Variants in GLIS1 observed in about 807,000 individuals in gnomAD.
The protein encoded by GLIS1 is GLIS family zinc finger 1.
In GLIS1, 24 loss-of-function variants were observed where a neutral mutation model predicts 63.8. That is an observed-to-expected ratio of 0.38 (90% CI 0.27 to 0.53). The LOEUF is 0.53. Among genes scored for constraint, GLIS1 ranks in the 20% least tolerant of loss-of-function variants. GLIS1 has a pLI of 0.85. For synonymous variants in GLIS1, 450 were observed against 482.5 expected (o/e 0.93, Z 0.88); for missense variants, 1,036 against 1,074.1 (o/e 0.96, Z 0.50).
chr1:53,672,323 C>T (rs945891912), intron 2 of GLIS1, among the ~76,000 whole-genome samples: 6 of 152,198 alleles, frequency 3.9e-5, no homozygotes, highest in African/African-American at 1.2e-4. Context: ...CCACAAGCCC[C>T]GCCTTCCTTT....
chr1:53,633,695 G>A (rs1645694677), intron 2 of GLIS1, among the ~76,000 whole-genome samples: 1 of 152,034 alleles, frequency 6.6e-6, no homozygotes, highest in African/African-American at 2.4e-5. Context: ...GACATTTGGG[G>A]CTGGATAATT....
intron 2 of GLIS1, among the ~76,000 whole-genome samples, chr1:53,669,672 T>A (rs892662363): frequency 2.0e-5 from 3 of 152,198 alleles, no homozygotes; most frequent in Admixed American, 2.0e-4. Context: ...CTGGGCTCCA[T>A]AGCCCCAGTG....
chr1:53,649,071 AT>A (rs1645878136), intron 2 of GLIS1, among the ~76,000 whole-genome samples: 1 of 152,192 alleles, frequency 6.6e-6, no homozygotes, highest in Admixed American at 6.5e-5. Flanking sequence ...ATTTGCAACA[AT>A]TTGAAAAAAT....
chr1:53,640,523 G>T (rs982699743), intron 2 of GLIS1, among the ~76,000 whole-genome samples: 1 of 152,160 alleles, frequency 6.6e-6, no homozygotes, highest in Non-Finnish European at 1.5e-5. Flanking sequence ...CCGCTCTCCT[G>T]TGGAGCCTGG....
chr1:53,630,165 T>C (rs1645636884), intron 2 of GLIS1, among the ~76,000 whole-genome samples: 1 of 152,234 alleles, frequency 6.6e-6, no homozygotes, highest in African/African-American at 2.4e-5. Context: ...CCTTTGTCAC[T>C]AGGGGTTCTT....
intron 2 of GLIS1, among the ~76,000 whole-genome samples, chr1:53,621,666 T>C (rs148576907): frequency 2.0e-5 from 3 of 152,080 alleles, no homozygotes; most frequent in Non-Finnish European, 4.4e-5. Context: ...GTTTTAGTAA[T>C]ACGTTTTCAT....
intron 2 of GLIS1, among the ~76,000 whole-genome samples, chr1:53,650,195 G>A (rs1490241556): frequency 6.6e-6 from 1 of 152,206 alleles, no homozygotes; most frequent in Non-Finnish European, 1.5e-5. Context: ...CGGAGAAATA[G>A]ATAGGTGGGC....
chr1:53,611,850 C>T (rs761067654), intron 2 of GLIS1, among the ~76,000 whole-genome samples: 1 of 152,084 alleles, frequency 6.6e-6, no homozygotes, highest in Non-Finnish European at 1.5e-5. Flanking sequence ...TTCCTCTTCT[C>T]AGAGACAGGG....
At chr1:53,642,397 CAG>C (rs1645796892) in intron 2 of GLIS1, among the ~76,000 whole-genome samples, 1 of 152,156 alleles carries the variant, frequency 6.6e-6, no homozygotes. Flanking sequence ...GCAGTGCTGT[CAG>C]AGTTTCAGGT....
At chr1:53,615,034 G>T (rs958913912) in intron 2 of GLIS1, among the ~76,000 whole-genome samples, 1 of 151,890 alleles carries the variant, frequency 6.6e-6, no homozygotes, top group African/African-American at 2.4e-5. Flanking sequence ...ATAATAAAAA[G>T]ACTGCAAACA....
rs544817173 is a variant in GLIS1, at chr1:53,676,615, C to G, written c.259+61191G>C. Among the ~76,000 whole-genome samples, 121 of 152,286 alleles carry G rather than the reference C, an allele frequency of 7.9e-4. 1 individual carries two copies. Among genetic ancestry groups the G allele is most frequent in the African/African-American group, 2.9e-3 (120 of 41,550 alleles). ...ATCACCAGCACCCCGCACGCACCCC[C>G]AGCCCCAGCCCTGCCACAGACATGT... On this transcript the variant is annotated intron_variant, in intron 2 of 10. Transcript: ENST00000628545.
At chr1:53,643,689 C>T (rs573364767) in intron 2 of GLIS1, among the ~76,000 whole-genome samples, 1 of 152,290 alleles carries the variant, frequency 6.6e-6, no homozygotes, top group East Asian at 1.9e-4. Context: ...CGAACATGAG[C>T]GAACGGCGGG....
At position 53,655,743 on chromosome 1, in the gene GLIS1, G is replaced by T. The variant is rs368270561; in HGVS notation, c.260-55465C>A. The stretch of plus-strand genomic sequence containing the variant: ...TCTTATTTCCCTTGCCTACATGGGG[G>T]TCTGGCACACAGCAGGCAGGCAATA... On this transcript the variant is annotated intron_variant, in intron 2 of 10. Coordinates refer to ENST00000628545, the MANE Select transcript of GLIS1 (RefSeq NM_001367484.1). Among the ~76,000 whole-genome samples, 3 of 152,164 alleles carry T rather than the reference G, an allele frequency of 2.0e-5. No homozygotes were observed. In the South Asian group the frequency reaches 6.2e-4, roughly 32 times the overall value.
intron 2 of GLIS1, among the ~76,000 whole-genome samples, chr1:53,729,099 A>T (rs780373730): frequency 1.9e-4 from 29 of 152,276 alleles, no homozygotes; most frequent in Non-Finnish European, 3.7e-4. Flanking sequence ...AAAAGTATAG[A>T]TGCTGTCACG....
chr1:53,634,877 A>C (rs547416905), intron 2 of GLIS1, among the ~76,000 whole-genome samples: 35 of 152,162 alleles, frequency 2.3e-4, no homozygotes, highest in Admixed American at 2.3e-3. Flanking sequence ...CCTGCAGCTC[A>C]TTAATGCATT....
intron 2 of GLIS1, among the ~76,000 whole-genome samples, chr1:53,685,144 G>C (rs1475594162): frequency 6.6e-6 from 1 of 152,182 alleles, no homozygotes; most frequent in Non-Finnish European, 1.5e-5. Context: ...GCAGGTAAAG[G>C]TGAAAGACAG....
chr1:53,590,802 T>A (rs886567715), intron 4 of GLIS1, among the ~76,000 whole-genome samples: 1 of 125,532 alleles, frequency 8.0e-6, no homozygotes, highest in South Asian at 2.6e-4. Context: ...GGGTGGGGGA[T>A]GGTGATGCCA....
At chr1:53,575,922 C>T (rs751268824) in intron 4 of GLIS1, among the ~76,000 whole-genome samples, 40 of 152,058 alleles carry the variant, frequency 2.6e-4, no homozygotes, top group African/African-American at 4.6e-4. Flanking sequence ...ACAGTGGGCA[C>T]GAACAACCAA....
intron 4 of GLIS1, among the ~76,000 whole-genome samples, chr1:53,568,255 T>C (rs192153870): frequency 6.6e-6 from 1 of 152,376 alleles, no homozygotes; most frequent in Non-Finnish European, 1.5e-5. Flanking sequence ...CTATTGGGTT[T>C]TGGACTTGCC....
Sources: allele counts gnomAD v4.1 joint callset (sites outside exome capture counted in the v4.1 genomes callset), GRCh38; gene constraint gnomAD v4.1.1; transcripts MANE v1.5; gene names NCBI Gene and HGNC (gene_info 2026-07-23, HGNC 2026-07-21).